PHF21B: variants seen among roughly 807,000 people sequenced by gnomAD.
PHF21B encodes PHD finger protein 21B, also known as PHD finger protein 4.
Under a neutral mutation model 62.2 loss-of-function variants are expected in PHF21B, and 22 were observed. That is an observed-to-expected ratio of 0.35 (90% CI 0.25 to 0.51). The LOEUF (loss-of-function observed/expected upper bound fraction) is 0.51. PHF21B is among the 20% of genes least tolerant of loss of function. The probability of loss-of-function intolerance (pLI) is 0.97; values close to 1 mark genes in which losing one functional copy is unlikely to be tolerated. For synonymous variants in PHF21B, 341 were observed against 314.7 expected (o/e 1.08, Z -0.88); for missense variants, 701 against 707.9 (o/e 0.99, Z 0.11).
At chr22:44,953,841 C>CT (rs2072241296) in intron 2 of PHF21B, among the ~76,000 whole-genome samples, 1 of 152,232 alleles carries the variant, frequency 6.6e-6, no homozygotes. Flanking sequence ...CAAAACAACT[C>CT]TATGTAAAGG....
At chr22:45,007,382 G>C (rs965282191) in intron 2 of PHF21B, among the ~76,000 whole-genome samples, 5 of 151,358 alleles carry the variant, frequency 3.3e-5, no homozygotes, top group Middle Eastern at 3.4e-3. Context: ...AAAATCCCCC[G>C]GGGGAGGGGG....
intron 5 of PHF21B, among the ~76,000 whole-genome samples, chr22:44,911,684 G>T (rs1431862357): frequency 6.6e-6 from 1 of 152,234 alleles, no homozygotes; most frequent in Non-Finnish European, 1.5e-5. Flanking sequence ...GGATATACAG[G>T]CAGAAGTTTG....
At chr22:44,989,435 G>A (rs989583880) in intron 2 of PHF21B, 23 of 152,084 alleles carry the variant, frequency 1.5e-4, no homozygotes, top group Admixed American at 8.5e-4. Context: ...GTTAATGTAA[G>A]TGGCAATGCC....
At position 44,966,846 on chromosome 22, in the gene PHF21B, G is replaced by A. The variant is rs73427777; in HGVS notation, c.120+41699C>T. Among the ~76,000 whole-genome samples the A allele has an allele frequency of 5.8e-3, 888 of 152,264 alleles. 10 individuals are homozygous for A. Among genetic ancestry groups the A allele is most frequent in the African/African-American group, 0.02 (850 of 41,550 alleles). On this transcript the variant is annotated intron_variant, in intron 2 of 12. Coordinates refer to ENST00000313237, the MANE Select transcript of PHF21B (RefSeq NM_138415.5). ...GGCTCCCAGAGCAGTGCCCACACTC[G>A]AGTTAGTGCATTATATAGATAGATA...
chr22:44,889,770 G>A lies in PHF21B; in HGVS notation c.1028C>T (p.Pro343Leu), dbSNP rs757190609. 5 of 1,565,604 alleles carry A rather than the reference G, an allele frequency of 3.2e-6. No homozygotes were observed. The Admixed American group carries it at 8.1e-5, about 25-fold the overall frequency. Residue 343 changes from proline (P) to leucine (L), a missense_variant, in exon 9 of 13, where the codon CCC (proline) becomes CTC (leucine). Pro to Leu is a moderately conservative substitution (Grantham distance 98). Transcript: ENST00000313237. ...LFLTARANED[P>L]CWKNEITHDE... is the part of the protein sequence containing the mutation. ...GGAGGGGACACGTACCTTCCAGCAG[G>A]GGTCCTCATTGGCTAGCACAGGGAA...
At chr22:44,939,013 G>A (rs2071903140) in intron 2 of PHF21B, among the ~76,000 whole-genome samples, 1 of 152,226 alleles carries the variant, frequency 6.6e-6, no homozygotes, top group Non-Finnish European at 1.5e-5. Flanking sequence ...CTGCTGGGCT[G>A]CACACACACG....
Position 45,009,052 on chromosome 22 carries a change from G to A in PHF21B, c.55-442C>T, listed in dbSNP as rs1309126141. On this transcript the variant is annotated intron_variant, in intron 1 of 12. Coordinates refer to ENST00000313237, the MANE Select transcript of PHF21B (RefSeq NM_138415.5). The surrounding 1 kb of genome is among the most constrained non-coding windows in gnomAD (Gnocchi z 5.9). ...CACGCGCACGCCGAGCCCCGCTCAGGCTCCGGCCGCCACGCCGCCGCTCGC... is the reference window on the plus strand; with the variant it reads ...CACGCGCACGCCGAGCCCCGCTCAGACTCCGGCCGCCACGCCGCCGCTCGC... The A allele has an allele frequency of 8.9e-7, 1 of 1,126,938 alleles. No individual in the cohort carries two copies. Among genetic ancestry groups the A allele is most frequent in the East Asian group, 4.5e-5 (1 of 22,268 alleles). 69.8% of individuals were successfully genotyped at this position (1,126,938 alleles called of 1,614,324 possible). A position where few individuals can be genotyped will look rare whatever the true frequency, so the allele number is the denominator to read the frequency against.
At chr22:44,899,663 TCTC>T (rs1414860530) in intron 5 of PHF21B, among the ~76,000 whole-genome samples, 3 of 151,858 alleles carry the variant, frequency 2.0e-5, no homozygotes, top group South Asian at 2.1e-4. Flanking sequence ...TCTCCTTCCT[TCTC>T]CTCTTCTTCT....
chr22:44,984,175 AT>A (rs1367294789), intron 2 of PHF21B, among the ~76,000 whole-genome samples: 1 of 148,082 alleles, frequency 6.8e-6, no homozygotes, highest in Non-Finnish European at 1.5e-5. Flanking sequence ...CATCATCACC[AT>A]CACAACCACC....
At chr22:44,903,228 C>T (rs1317941228) in intron 5 of PHF21B, among the ~76,000 whole-genome samples, 1 of 152,296 alleles carries the variant, frequency 6.6e-6, no homozygotes, top group East Asian at 1.9e-4. Context: ...CTAAGACTAG[C>T]TCAGATACTC....
intron 2 of PHF21B, among the ~76,000 whole-genome samples, chr22:44,994,953 T>C (rs970352248): frequency 1.3e-5 from 2 of 152,218 alleles, no homozygotes; most frequent in Admixed American, 1.3e-4. Context: ...TCACAGCAGC[T>C]CAGGCCGAGA....
At chr22:44,946,201 AG>A (rs1046573518) in intron 2 of PHF21B, among the ~76,000 whole-genome samples, 7 of 151,706 alleles carry the variant, frequency 4.6e-5, no homozygotes, top group Admixed American at 1.3e-4. Context: ...CTGAGAGTGG[AG>A]GGGGCACCAC....
chr22:44,973,127 T>C (rs913098719), intron 2 of PHF21B, among the ~76,000 whole-genome samples: 1 of 152,200 alleles, frequency 6.6e-6, no homozygotes, highest in Non-Finnish European at 1.5e-5. Context: ...GGAGTCTGTG[T>C]GTCTGTGTTT....
At chr22:44,918,116 T>TA (rs1478586494) in intron 3 of PHF21B, among the ~76,000 whole-genome samples, 1 of 152,202 alleles carries the variant, frequency 6.6e-6, no homozygotes, top group South Asian at 2.1e-4. Context: ...CCAAAGGCTT[T>TA]AAAAAATCCA....
intron 2 of PHF21B, among the ~76,000 whole-genome samples, chr22:44,994,487 C>T (rs976121389): frequency 7.9e-5 from 12 of 152,222 alleles, no homozygotes; most frequent in East Asian, 3.9e-4. Flanking sequence ...GGAGGGAGTG[C>T]GGCCCTGCTG....
chr22:44,973,799 C>G (rs1170086130), intron 2 of PHF21B, among the ~76,000 whole-genome samples: 1 of 152,116 alleles, frequency 6.6e-6, no homozygotes, highest in Admixed American at 6.6e-5. Context: ...GGCTCTTGTC[C>G]CCAGAAGCTA....
chr22:44,956,975 T>A (rs1355337574), intron 2 of PHF21B, among the ~76,000 whole-genome samples: 1 of 152,152 alleles, frequency 6.6e-6, no homozygotes, highest in Non-Finnish European at 1.5e-5. Flanking sequence ...GAGGCAGCCG[T>A]CACGCCTCAG....
At chr22:44,996,454 C>T (rs2073124163) in intron 2 of PHF21B, among the ~76,000 whole-genome samples, 1 of 152,130 alleles carries the variant, frequency 6.6e-6, no homozygotes, top group Non-Finnish European at 1.5e-5. Flanking sequence ...GGTATTCCTC[C>T]AGACTGGGGG....
chr22:44,909,168 C>G (rs2071303004), intron 5 of PHF21B, among the ~76,000 whole-genome samples: 1 of 152,248 alleles, frequency 6.6e-6, no homozygotes, highest in Non-Finnish European at 1.5e-5. Context: ...CAAGTTCTAT[C>G]TATCTAAGTC....
Sources: allele counts gnomAD v4.1 joint callset (sites outside exome capture counted in the v4.1 genomes callset), GRCh38; gene constraint gnomAD v4.1.1; non-coding constraint Gnocchi (gnomAD v3.1); transcripts MANE v1.5; gene names NCBI Gene and HGNC (gene_info 2026-07-23, HGNC 2026-07-21).